The following PDLIM7 variants were observed in gnomAD, a reference collection of about 807,000 sequenced individuals.
PDLIM7 encodes the protein PDZ and LIM domain protein 7.
PDLIM7 carries 37 observed loss-of-function variants against 53.9 expected under a neutral mutation model. The ratio of observed to expected loss-of-function variants is 0.69; its 90% CI spans 0.53 to 0.90. PDLIM7 has a LOEUF of 0.90. PDLIM7 is among the 40% of genes least tolerant of loss of function. The pLI, the probability that PDLIM7 is intolerant of heterozygous loss-of-function variation, is 0.00. For synonymous variants in PDLIM7, 300 were observed against 261.3 expected (o/e 1.15, Z -1.43); for missense variants, 617 against 638.5 (o/e 0.97, Z 0.36).
chr5:177,490,227 A>G, intron 7 of PDLIM7: 2 of 1,448,428 alleles, frequency 1.4e-6, no homozygotes, highest in Non-Finnish European at 1.8e-6. Flanking sequence ...CCACAAAGAT[A>G]GAAGACAGGC....
rs1758635399 is a variant in PDLIM7 at position 177,489,544 on chromosome 5, T to TCGTTTTGTCCGGGGCATAG, written c.699_717dup (p.Ser240LeufsTer76). 1 of 1,610,554 alleles carries TCGTTTTGTCCGGGGCATAG rather than the reference T, an allele frequency of 6.2e-7. No individual in the cohort carries two copies. Among genetic ancestry groups the TCGTTTTGTCCGGGGCATAG allele is most frequent in the South Asian group, 1.1e-5 (1 of 90,570 alleles). ...TGGCTGTGCCGGGTCAGCACTGTGCTCGTTTTGTCCGGGGCATAGCGCTCG... is the reference window on the plus strand; with the variant it reads ...TGGCTGTGCCGGGTCAGCACTGTGCTCGTTTTGTCCGGGGCATAGCGTTTTGTCCGGGGCATAGCGCTCG... On this transcript the variant is annotated frameshift_variant, in exon 9 of 13. Coordinates refer to ENST00000355841, the MANE Select transcript of PDLIM7 (RefSeq NM_005451.5). LOFTEE classifies it high-confidence loss of function.
chr5:177,484,341 A>G, intron 10 of PDLIM7, 151 bp from the exon 11 acceptor site: 1 of 886,594 alleles, frequency 1.1e-6, no homozygotes, highest in Non-Finnish European at 1.7e-6. Flanking sequence ...TCCATCTCCA[A>G]CTCCAAGGTC....
At chr5:177,495,752 G>A (rs746089494) in intron 2 of PDLIM7, among the ~76,000 whole-genome samples, 6 of 152,094 alleles carry the variant, frequency 3.9e-5, no homozygotes, top group Admixed American at 3.3e-4. Context: ...CCACACCAGG[G>A]CAGGCTCTTG....
chr5:177,494,034 G>A (rs1758936766), intron 2 of PDLIM7, among the ~76,000 whole-genome samples: 1 of 152,220 alleles, frequency 6.6e-6, no homozygotes, highest in African/African-American at 2.4e-5. Flanking sequence ...GAGGTCAGAA[G>A]GCTAAGAGAG....
At chr5:177,491,338 G>T in intron 5 of PDLIM7, 192 bp from the exon 6 acceptor site, 1 of 1,536,716 alleles carries the variant, frequency 6.5e-7, no homozygotes, top group South Asian at 1.2e-5. Context: ...GCCAGGGTGG[G>T]GAGGGGCCGC....
chr5:177,497,227 G>C (rs1195495376), intron 1 of PDLIM7, among the ~76,000 whole-genome samples: 1 of 151,996 alleles, frequency 6.6e-6, no homozygotes, highest in Non-Finnish European at 1.5e-5. Flanking sequence ...CGAGCCCAGT[G>C]GGGGGTGGTG....
Position 177,483,500 on chromosome 5 carries a change from G to C in PDLIM7, c.*144C>G. The C allele has an allele frequency of 1.6e-6, 1 of 611,878 alleles. No homozygotes were observed. The allele number at this position is 611,878 out of a possible 1,614,324, so 37.9% of individuals were successfully genotyped here. A position where few individuals can be genotyped will look rare whatever the true frequency, so the allele number is the denominator to read the frequency against. ...GGGAGTGGGGTGGGAGGATAAGGTG[G>C]GTGGGGCAGGGCCCAGGGAGCCCCA... On this transcript the variant is annotated 3_prime_UTR_variant, in exon 13 of 13. Coordinates refer to ENST00000355841, the MANE Select transcript of PDLIM7 (RefSeq NM_005451.5).
intron 2 of PDLIM7, among the ~76,000 whole-genome samples, chr5:177,493,601 G>A (rs1006870395): frequency 6.6e-6 from 1 of 152,196 alleles, no homozygotes; most frequent in East Asian, 1.9e-4. Flanking sequence ...AAGGTAGAGG[G>A]GCTACTGGCA....
chr5:177,492,518 C>A lies in PDLIM7; in HGVS notation c.248+8G>T. On this transcript the variant is annotated splice_region_variant and intron_variant, in intron 3 of 12. Coordinates refer to ENST00000355841, the MANE Select transcript of PDLIM7 (RefSeq NM_005451.5). Reference sequence around the variant, plus strand: ...CGCGGGCGCACCCATCCATGTCCACCCGCATACCTGCTGAGGCCCAGGCTG... The same window carrying A: ...CGCGGGCGCACCCATCCATGTCCACACGCATACCTGCTGAGGCCCAGGCTG... 1 of 1,613,724 alleles carries A rather than the reference C, an allele frequency of 6.2e-7. No individual in the cohort carries two copies. Among genetic ancestry groups the A allele is most frequent in the East Asian group, 2.2e-5 (1 of 44,874 alleles).
Position 177,483,696 on chromosome 5 carries a change from TAGA to T in PDLIM7, c.1319_1321del (p.Phe440del), listed in dbSNP as rs751425325. 5.6e-6 allele frequency: 9 copies of T among 1,612,450 alleles called. No homozygotes were observed. In the Admixed American group the frequency reaches 1.0e-4, roughly 18 times the overall value. On this transcript the variant is annotated inframe_deletion, in exon 13 of 13. Coordinates refer to ENST00000355841, the MANE Select transcript of PDLIM7 (RefSeq NM_005451.5). The stretch of plus-strand genomic sequence containing the variant: ...GCAGAGAGGCCTGTCCTTCTTGGAG[TAGA>T]AGGTCTTTCCTTCCAGGTTGATCTG...
chr5:177,492,381 C>T lies in PDLIM7; in HGVS notation c.279+24G>A, dbSNP rs200930357. On this transcript the variant is annotated intron_variant, in intron 4 of 12. Coordinates refer to ENST00000355841, the MANE Select transcript of PDLIM7 (RefSeq NM_005451.5). ...GTCCAAGCCCACACCGCCCACCGCC[C>T]GGATGTCCCGGCCAGCCTCGTACCT... The T allele has an allele frequency of 1.9e-5, 31 of 1,611,876 alleles. 1 individual carries two copies. The East Asian group carries it at 3.3e-4, about 17-fold the overall frequency.
chr5:177,483,819 C>G (rs1257494390), intron 12 of PDLIM7, 48 bp downstream of exon 12: 1 of 1,596,080 alleles, frequency 6.3e-7, no homozygotes, highest in South Asian at 1.1e-5. Flanking sequence ...GGGGAATGAA[C>G]AGAGGGCCGG....
At chr5:177,485,823 A>G (rs904080939) in intron 10 of PDLIM7, among the ~76,000 whole-genome samples, 2 of 151,832 alleles carry the variant, frequency 1.3e-5, no homozygotes, top group Non-Finnish European at 2.9e-5. Context: ...CATCTCTACA[A>G]AAAGATTTAA....
At chr5:177,487,636 C>T (rs1295497369) in intron 10 of PDLIM7, among the ~76,000 whole-genome samples, 2 of 152,220 alleles carry the variant, frequency 1.3e-5, no homozygotes, top group South Asian at 2.1e-4. Context: ...TCCCACTGCT[C>T]GTGGTCAAGG....
At chr5:177,492,242 G>GC in intron 4 of PDLIM7, 163 bp downstream of exon 4, 1 of 823,258 alleles carries the variant, frequency 1.2e-6, no homozygotes. Flanking sequence ...CCGTGCAGCA[G>GC]CCCCTGGCTC....
chr5:177,489,371 C>T (rs374178398), intron 9 of PDLIM7, 22 bp downstream of exon 9: 13 of 1,509,006 alleles, frequency 8.6e-6, no homozygotes, highest in South Asian at 5.1e-5. Context: ...AAGCCAGGGT[C>T]GGACAGGAAC....
At chr5:177,486,710 C>T (rs1394529808) in intron 10 of PDLIM7, among the ~76,000 whole-genome samples, 2 of 152,106 alleles carry the variant, frequency 1.3e-5, no homozygotes, top group East Asian at 1.9e-4. Flanking sequence ...GCGATCTCGG[C>T]TCACTGCAAG....
Position 177,491,936 on chromosome 5 carries a change from A to T in PDLIM7, c.280-11T>A. On this transcript the variant is annotated splice_polypyrimidine_tract_variant and intron_variant, in intron 4 of 12. Transcript: ENST00000355841. ...GGCGGGGGCGGAGGCCTGGGCAGAG[A>T]CACAGCCGGGCAGGGCGGGCGGGCA... 1 of 593,946 alleles carries T rather than the reference A, an allele frequency of 1.7e-6. No individual in the cohort carries two copies. Among genetic ancestry groups the T allele is most frequent in the Non-Finnish European group, 2.3e-6 (1 of 437,010 alleles). 36.8% of individuals were successfully genotyped at this position (593,946 alleles called of 1,614,324 possible).
In PDLIM7 at chr5:177,491,890, G is replaced by A. The variant is rs915773005; in HGVS notation, c.315C>T (p.Thr105=). 10 of 1,285,198 alleles carry A rather than the reference G, an allele frequency of 7.8e-6. No homozygotes were observed. The Admixed American group carries it at 1.2e-4, about 15-fold the overall frequency. The allele number at this position is 1,285,198 out of a possible 1,614,324, so 79.6% of individuals were successfully genotyped here. The stretch of plus-strand genomic sequence containing the variant: ...TGTTGAGGGAGACGCTGGGTGCAAA[G>A]GTGTACCGCGGAGGGTCCGCGGCGG... ...SAPAADPPRY[T]FAPSVSLNKT... Residue 105 remains threonine, a synonymous_variant, in exon 5 of 13, where the codon ACC becomes ACT. Coordinates refer to ENST00000355841, the MANE Select transcript of PDLIM7 (RefSeq NM_005451.5).
Sources: allele counts gnomAD v4.1 joint callset (sites outside exome capture counted in the v4.1 genomes callset), GRCh38; gene constraint gnomAD v4.1.1; transcripts MANE v1.5; gene names NCBI Gene and HGNC (gene_info 2026-07-23, HGNC 2026-07-21).